Variants in PDE4D observed in about 807,000 individuals in gnomAD.
PDE4D encodes 3',5'-cyclic-AMP phosphodiesterase 4D.
A neutral mutation model predicts 87.4 loss-of-function variants in PDE4D; 24 were observed. The ratio of observed to expected loss-of-function variants is 0.27; its 90% CI spans 0.20 to 0.39. PDE4D has a LOEUF of 0.39. Ranked by LOEUF, PDE4D falls within the 10% of genes least tolerant of loss-of-function variation. The pLI is 1.00. For synonymous variants in PDE4D, 384 were observed against 383.2 expected (o/e 1.00, Z -0.02); for missense variants, 714 against 1,041.0 (o/e 0.69, Z 4.32).
chr5:59,719,699 C>A (rs2150551171), intron 1 of PDE4D, among the ~76,000 whole-genome samples: 1 of 152,216 alleles, frequency 6.6e-6, no homozygotes, highest in East Asian at 1.9e-4. Context: ...AGTTTTATCC[C>A]ATGAATACAA....
chr5:60,404,294 A>T (rs1212973365), intron 1 of PDE4D, among the ~76,000 whole-genome samples: 1 of 152,136 alleles, frequency 6.6e-6, no homozygotes, highest in Non-Finnish European at 1.5e-5. Context: ...TGGATAAAAA[A>T]AATCATCAGA....
intron 2 of PDE4D, among the ~76,000 whole-genome samples, chr5:59,215,252 C>T (rs1750973819): frequency 7.0e-6 from 1 of 142,300 alleles, no homozygotes; most frequent in Non-Finnish European, 1.6e-5. Flanking sequence ...TCTCATGATC[C>T]TTAAAAGTTG....
chr5:59,279,460 C>T (rs1765417425), intron 1 of PDE4D, among the ~76,000 whole-genome samples: 1 of 152,044 alleles, frequency 6.6e-6, no homozygotes. Context: ...GATTCAAGGA[C>T]TTTCCTACTG....
chr5:59,044,454 T>C (rs962461453), intron 5 of PDE4D, among the ~76,000 whole-genome samples: 15 of 152,234 alleles, frequency 9.9e-5, no homozygotes, highest in African/African-American at 3.6e-4. Context: ...CGGAAGGAAT[T>C]GATACTGTCT....
rs1742599082 is a variant in PDE4D, at chr5:58,971,547, AAAT to A, written c.*3114_*3116del. The A allele has an allele frequency of 6.6e-6, 1 of 152,636 alleles. No homozygotes were observed. Among genetic ancestry groups the A allele is most frequent in the African/African-American group, 2.4e-5 (1 of 41,450 alleles). 9.5% of individuals were successfully genotyped at this position (152,636 alleles called of 1,614,324 possible). On this transcript the variant is annotated 3_prime_UTR_variant, in exon 15 of 15. Coordinates refer to ENST00000340635, the MANE Select transcript of PDE4D (RefSeq NM_001104631.2). ...TGAGAAAAAAAATGCATGGCACAAA[AAAT>A]AAATAATGCATTCAAAAATTATCAT...
chr5:59,701,588 T>C (rs1258538751), intron 1 of PDE4D, among the ~76,000 whole-genome samples: 2 of 152,174 alleles, frequency 1.3e-5, no homozygotes, highest in Middle Eastern at 3.2e-3. Flanking sequence ...AATTCAAGAA[T>C]GAGTGTGAGG....
intron 5 of PDE4D, among the ~76,000 whole-genome samples, chr5:59,069,216 T>C (rs1764374162): frequency 6.6e-6 from 1 of 152,176 alleles, no homozygotes; most frequent in Admixed American, 6.5e-5. Context: ...CCATTCCCCA[T>C]ACCATGGAAA....
chr5:59,931,357 T>C (rs916909332), intron 3 of PDE4D, among the ~76,000 whole-genome samples: 1 of 152,248 alleles, frequency 6.6e-6, no homozygotes, highest in African/African-American at 2.4e-5. Context: ...TAATTTGGTT[T>C]ACATGCTGCC....
intron 6 of PDE4D, among the ~76,000 whole-genome samples, chr5:59,004,089 T>A (rs1751075833): frequency 6.6e-6 from 1 of 151,956 alleles, no homozygotes; most frequent in Non-Finnish European, 1.5e-5. Context: ...ACTTCCTTCA[T>A]AATACTGTAC....
In PDE4D at chr5:59,193,528, T is replaced by C; in HGVS notation, c.656A>G (p.Asp219Gly). Reference protein sequence around the residue: ...NSSIASDIHGDDLIVTPFAQV... With the variant: ...NSSIASDIHGGDLIVTPFAQV... Reference sequence around the variant, plus strand: ...AGCAAATGGAGTCACAATCAAGTCATCTCCGTGTCTGAAAAATAAACCAAA... The same window carrying C: ...AGCAAATGGAGTCACAATCAAGTCACCTCCGTGTCTGAAAAATAAACCAAA... The change falls in exon 3 of 15, where the codon GAT becomes GGT. Residue 219 changes from aspartate to glycine, a missense_variant. Physicochemically the swap from Asp to Gly is moderately conservative, Grantham distance 94. This residue lies in a region of PDE4D where 90 missense variants were observed against 177.6 expected (regional missense o/e 0.51). Transcript: ENST00000340635. 6.2e-7 allele frequency: 1 copy of C among 1,613,634 alleles called. No individual in the cohort carries two copies. The highest frequency in any genetic ancestry group is 8.5e-7 in the Non-Finnish European group (1 of 1,179,730).
chr5:59,998,021 T>G (rs1763668969), intron 2 of PDE4D, among the ~76,000 whole-genome samples: 1 of 152,226 alleles, frequency 6.6e-6, no homozygotes, highest in South Asian at 2.1e-4. Flanking sequence ...GGCTCCAGCC[T>G]TGCTTCAGAC....
chr5:59,103,710 T>C (rs1196454646), intron 5 of PDE4D, among the ~76,000 whole-genome samples: 1 of 152,224 alleles, frequency 6.6e-6, no homozygotes, highest in African/African-American at 2.4e-5. Flanking sequence ...TTGAGCTACA[T>C]AATCATTTTT....
chr5:59,606,239 CATTGT>C (rs55991519), intron 1 of PDE4D, among the ~76,000 whole-genome samples: 3,664 of 152,136 alleles, frequency 0.024, 76 homozygotes, highest in Non-Finnish European at 0.035. Flanking sequence ...CAAAAGAATA[CATTGT>C]ATTAACTAAA....
At chr5:60,342,404 G>A (rs906297402) in intron 1 of PDE4D, among the ~76,000 whole-genome samples, 5 of 152,132 alleles carry the variant, frequency 3.3e-5, no homozygotes, top group Middle Eastern at 3.2e-3. Context: ...CGTGGGGGAG[G>A]TTTATAACCT....
intron 1 of PDE4D, among the ~76,000 whole-genome samples, chr5:60,441,634 A>T (rs1029577070): frequency 6.6e-6 from 1 of 152,216 alleles, no homozygotes; most frequent in Non-Finnish European, 1.5e-5. Flanking sequence ...AGAAACTATC[A>T]TCAGAGTGAA....
At chr5:60,416,169 TAA>T (rs1398743483) in intron 1 of PDE4D, among the ~76,000 whole-genome samples, 5 of 152,268 alleles carry the variant, frequency 3.3e-5, no homozygotes, top group African/African-American at 7.2e-5. Flanking sequence ...TCAAGGATTG[TAA>T]ATGCACCAAT....
chr5:59,623,640 T>C (rs898979588), intron 1 of PDE4D, among the ~76,000 whole-genome samples: 2 of 152,146 alleles, frequency 1.3e-5, no homozygotes, highest in African/African-American at 4.8e-5. Context: ...TCCCCAGAGT[T>C]CCAATTCCTG....
intron 1 of PDE4D, among the ~76,000 whole-genome samples, chr5:59,874,679 G>A (rs969522055): frequency 2.6e-5 from 4 of 152,074 alleles, no homozygotes; most frequent in Admixed American, 6.6e-5. Flanking sequence ...TATTTGCTTC[G>A]GAACTGGGTT....
intron 1 of PDE4D, among the ~76,000 whole-genome samples, chr5:60,193,726 T>C (rs1740849129): frequency 6.7e-6 from 1 of 148,658 alleles, no homozygotes; most frequent in African/African-American, 2.5e-5. Context: ...GAAAAAGCTG[T>C]CACAATTTTC....
Sources: gnomAD v4.1 joint callset for allele counts (sites outside exome capture counted in the v4.1 genomes callset) on GRCh38, gnomAD v4.1.1 for gene constraint, gnomAD v4.1.1 regional missense constraint, MANE v1.5 for transcripts, NCBI Gene and HGNC (gene_info 2026-07-23, HGNC 2026-07-21) for gene names.